Variants in CPEB3 observed in about 807,000 individuals in gnomAD.
The protein encoded by CPEB3 is cytoplasmic polyadenylation element-binding protein 3.
In CPEB3, 20 loss-of-function variants were observed where a neutral mutation model predicts 67.2. That is an observed-to-expected ratio of 0.30 (90% confidence interval 0.21 to 0.43). The LOEUF (loss-of-function observed/expected upper bound fraction) is 0.43, where lower values mean the gene tolerates loss of function less well. CPEB3 is among the 20% of genes least tolerant of loss of function. CPEB3 has a pLI of 1.00. For synonymous variants in CPEB3, 376 were observed against 393.1 expected (o/e 0.96, Z 0.51); for missense variants, 746 against 968.6 (o/e 0.77, Z 3.05).
rs182525298 is a variant in CPEB3 at position 92,098,076 on chromosome 10, G to A, written c.1573-6132C>T. On this transcript the variant is annotated intron_variant, in intron 7 of 9. Transcript: ENST00000265997. ...CTTGGGAGGCTGAGGCAGGAGAATC[G>A]CTTGAACCCAGGAAGTGGATGCTAC... Among the ~76,000 whole-genome samples the A allele has an allele frequency of 6.5e-4, 89 of 137,796 alleles. 1 individual carries two copies. In the South Asian group the frequency reaches 8.5e-3, roughly 13 times the overall value. 90.4% of individuals were successfully genotyped at this position (137,796 alleles called of 152,430 possible).
chr10:92,250,858 A>AGTTTTTTTTT (rs1454105127), intron 1 of CPEB3, among the ~76,000 whole-genome samples: 1 of 104,120 alleles, frequency 9.6e-6, no homozygotes. Context: ...CACACAGTTA[A>AGTTTTTTTTT]TTTTTTTTTT....
chr10:92,119,482 C>A (rs1478761207), intron 6 of CPEB3, among the ~76,000 whole-genome samples: 2 of 152,190 alleles, frequency 1.3e-5, no homozygotes, highest in Admixed American at 1.3e-4. Flanking sequence ...GCTTTTGGTT[C>A]CTTCTTCCTG....
chr10:92,285,588 C>A (rs1425798024), intron 1 of CPEB3, among the ~76,000 whole-genome samples: 2 of 152,102 alleles, frequency 1.3e-5, no homozygotes, highest in African/African-American at 4.8e-5. Context: ...AAGTTTCTAA[C>A]ATATGAACAT....
intron 1 of CPEB3, among the ~76,000 whole-genome samples, chr10:92,262,809 G>A (rs1337134125): frequency 1.3e-5 from 2 of 152,188 alleles, no homozygotes; most frequent in African/African-American, 2.4e-5. Context: ...AATCATAAAA[G>A]TGTGCATTAA....
chr10:92,119,897 T>C lies in CPEB3; in HGVS notation c.1454-8703A>G, dbSNP rs1396737305. Among the ~76,000 whole-genome samples, 3 of 152,030 alleles carry C rather than the reference T, an allele frequency of 2.0e-5. No homozygotes were observed. In the East Asian group the frequency reaches 5.8e-4, roughly 29 times the overall value. ...TTTTTCTGAAACTAAATTAAAATAC[T>C]CATTAAAGAAAAAAATCTAAGTGCA... is the stretch of plus-strand genomic sequence containing the variant. On this transcript the variant is annotated intron_variant, in intron 6 of 9. Transcript: ENST00000265997.
chr10:92,182,685 G>T (rs963834155), intron 3 of CPEB3, among the ~76,000 whole-genome samples: 3 of 152,094 alleles, frequency 2.0e-5, no homozygotes, highest in Non-Finnish European at 4.4e-5. Flanking sequence ...AATTAGCTGG[G>T]TGTGGTGGTG....
intron 1 of CPEB3, among the ~76,000 whole-genome samples, chr10:92,279,844 T>C (rs1170343703): frequency 6.6e-6 from 1 of 152,084 alleles, no homozygotes; most frequent in East Asian, 1.9e-4. Flanking sequence ...ACCCCGTCTC[T>C]ACTAAAAATA....
chr10:92,124,651 C>T (rs1394349486), intron 6 of CPEB3, among the ~76,000 whole-genome samples: 4 of 151,800 alleles, frequency 2.6e-5, no homozygotes, highest in African/African-American at 4.8e-5. Flanking sequence ...CAAAAGATGA[C>T]GAACTGCAAA....
At chr10:92,103,749 G>C (rs1046535515) in intron 7 of CPEB3, among the ~76,000 whole-genome samples, 2 of 152,370 alleles carry the variant, frequency 1.3e-5, no homozygotes, top group South Asian at 4.1e-4. Context: ...AAATGAGTTA[G>C]CAGTGAAACT....
intron 7 of CPEB3, among the ~76,000 whole-genome samples, chr10:92,102,012 C>T (rs138931356): frequency 6.2e-4 from 94 of 152,276 alleles, no homozygotes; most frequent in African/African-American, 2.2e-3. Context: ...AGAGCCACAA[C>T]AATAATTGTG....
chr10:92,258,194 G>A (rs1332066381), intron 1 of CPEB3, among the ~76,000 whole-genome samples: 1 of 151,210 alleles, frequency 6.6e-6, no homozygotes, highest in African/African-American at 2.4e-5. Flanking sequence ...CCACCTCCCG[G>A]GTTCATGCAA....
At chr10:92,063,092 A>G (rs961306639) in intron 9 of CPEB3, among the ~76,000 whole-genome samples, 1 of 152,258 alleles carries the variant, frequency 6.6e-6, no homozygotes, top group African/African-American at 2.4e-5. Flanking sequence ...AGGGAATAAT[A>G]TATTTAGAAT....
chr10:92,240,026 T>C lies in CPEB3; in HGVS notation c.325A>G (p.Ser109Gly). The C allele has an allele frequency of 6.2e-7, 1 of 1,606,256 alleles. No individual in the cohort carries two copies. Among genetic ancestry groups the C allele is most frequent in the Non-Finnish European group, 8.5e-7 (1 of 1,176,682 alleles). The change falls in exon 2 of 10, where the codon AGC becomes GGC. Residue 109 changes from serine to glycine, a missense_variant. Physicochemically the swap from Ser to Gly is moderately conservative, Grantham distance 56. Transcript: ENST00000265997. Reference protein sequence around the residue: ...PGASLSPSFGSTWSTGTTNAV... With the variant: ...PGASLSPSFGGTWSTGTTNAV... ...TTGGTGGTGCCCGTGGACCAGGTGC[T>C]GCCGAAGGACGGCGACAGCGACGCG...
chr10:92,099,951 G>T (rs1249719997), intron 7 of CPEB3, among the ~76,000 whole-genome samples: 1 of 152,010 alleles, frequency 6.6e-6, no homozygotes, highest in East Asian at 1.9e-4. Context: ...ACTACTTGAG[G>T]CCAAGAGTTC....
At chr10:92,233,829 G>A (rs924130565) in intron 2 of CPEB3, among the ~76,000 whole-genome samples, 9 of 152,142 alleles carry the variant, frequency 5.9e-5, no homozygotes, top group Non-Finnish European at 1.0e-4. Flanking sequence ...AGAGGGATAC[G>A]CAGGGTGCGG....
At chr10:92,186,436 ATT>A (rs373212390) in intron 3 of CPEB3, among the ~76,000 whole-genome samples, 96,260 of 143,108 alleles carry the variant, frequency 0.67, 33,600 homozygotes, top group African/African-American at 0.89. Flanking sequence ...AACTCAGGTG[ATT>A]TTTTTTTTTT....
chr10:92,122,430 C>T (rs1323222208), intron 6 of CPEB3, among the ~76,000 whole-genome samples: 1 of 152,202 alleles, frequency 6.6e-6, no homozygotes, highest in African/African-American at 2.4e-5. Context: ...CTGCCTGCAG[C>T]GGAGAGCACT....
chr10:92,072,534 T>C (rs1472077573), intron 9 of CPEB3, among the ~76,000 whole-genome samples: 2 of 152,230 alleles, frequency 1.3e-5, no homozygotes, highest in African/African-American at 4.8e-5. Context: ...GTGAGGTAGT[T>C]AGGCTGGTGT....
chr10:92,229,377 C>T (rs886103934), intron 2 of CPEB3, among the ~76,000 whole-genome samples: 2 of 152,156 alleles, frequency 1.3e-5, no homozygotes. Flanking sequence ...ATTATCCTGA[C>T]TCTCATTCTA....
Sources: gnomAD v4.1 joint callset for allele counts (sites outside exome capture counted in the v4.1 genomes callset) on GRCh38, gnomAD v4.1.1 for gene constraint, MANE v1.5 for transcripts, NCBI Gene and HGNC (gene_info 2026-07-23, HGNC 2026-07-21) for gene names.